Variants in CCR3 observed in about 807,000 individuals in gnomAD.
CCR3 encodes C-C chemokine receptor type 3.
For missense variants in CCR3, 419 were observed against 437.5 expected (o/e 0.96, Z 0.38); for synonymous variants, 203 against 179.2 (o/e 1.13, Z -1.06).
chr3:46,246,905 C>T (rs1040285977), intron 1 of CCR3, among the ~76,000 whole-genome samples: 9 of 151,458 alleles, frequency 5.9e-5, no homozygotes, highest in African/African-American at 2.2e-4. Context: ...GAAGGGAGGT[C>T]TTGTGGTAAG....
At chr3:46,222,406 C>G (rs544581920) in intron 2 of CCR3, among the ~76,000 whole-genome samples, 1 of 152,254 alleles carries the variant, frequency 6.6e-6, no homozygotes, top group East Asian at 1.9e-4. Flanking sequence ...AATTTGTCGC[C>G]CTCTTGCTGC....
chr3:46,265,227 C>T lies in CCR3; in HGVS notation c.69C>T (p.Leu23=), dbSNP rs755271586. 2.5e-6 allele frequency: 4 copies of T among 1,614,064 alleles called. No individual in the cohort carries two copies. Among genetic ancestry groups the T allele is most frequent in the Non-Finnish European group, 3.4e-6 (4 of 1,179,978 alleles). The change falls in exon 2 of 2, where the codon CTC becomes CTT. Residue 23 remains leucine (L), a synonymous_variant. Coordinates refer to ENST00000395940, the MANE Select transcript of CCR3 (RefSeq NM_178329.3). ...CCTACTATGATGACGTGGGCCTGCT[C>T]TGTGAAAAAGCTGATACCAGAGCAC... is the stretch of plus-strand genomic sequence containing the variant. ...TTSYYDDVGL[L]CEKADTRALM... is the part of the protein sequence containing the mutation.
At chr3:46,245,137 T>C (rs896230452) in intron 1 of CCR3, among the ~76,000 whole-genome samples, 4 of 152,080 alleles carry the variant, frequency 2.6e-5, no homozygotes, top group Admixed American at 2.6e-4. Flanking sequence ...TTATTAATGA[T>C]TGGAAGCTCT....
At chr3:46,257,986 C>G (rs1348694494) in intron 1 of CCR3, among the ~76,000 whole-genome samples, 1 of 152,190 alleles carries the variant, frequency 6.6e-6, no homozygotes, top group Non-Finnish European at 1.5e-5. Flanking sequence ...AAAGTCTGTT[C>G]CAGCTCTCAA....
upstream of CCR3, among the ~76,000 whole-genome samples, chr3:46,238,210 G>A (rs1270974236): frequency 2.0e-5 from 3 of 151,756 alleles, no homozygotes; most frequent in Non-Finnish European, 4.4e-5. Context: ...CTGTATGAGA[G>A]TTTTAGTGTT....
At chr3:46,233,316 G>T (rs981300849) in intron 2 of CCR3, among the ~76,000 whole-genome samples, 1 of 152,168 alleles carries the variant, frequency 6.6e-6, no homozygotes, top group Admixed American at 6.5e-5. Context: ...TCTGGCCCTG[G>T]TGCCCGGGAA....
At chr3:46,264,315 T>C in intron 1 of CCR3, 1 of 918,440 alleles carries the variant, frequency 1.1e-6, no homozygotes, top group Non-Finnish European at 1.7e-6. Flanking sequence ...CTGCTTATAA[T>C]TGTAATTATT....
intron 1 of CCR3, among the ~76,000 whole-genome samples, chr3:46,249,222 TG>T (rs1372795572): frequency 6.6e-6 from 1 of 152,044 alleles, no homozygotes; most frequent in Non-Finnish European, 1.5e-5. Context: ...AGCAATGAGA[TG>T]CGGCTATAGT....
At chr3:46,243,288 G>A (rs1048914004) in intron 1 of CCR3, among the ~76,000 whole-genome samples, 1 of 152,060 alleles carries the variant, frequency 6.6e-6, no homozygotes, top group African/African-American at 2.4e-5. Flanking sequence ...TTGCAACTTT[G>A]TGGAGCTTTT....
At chr3:46,254,514 G>A (rs1056959971) in intron 1 of CCR3, among the ~76,000 whole-genome samples, 14 of 152,084 alleles carry the variant, frequency 9.2e-5, no homozygotes, top group Admixed American at 1.3e-4. Flanking sequence ...AGGTTTTAGG[G>A]GAACAGGTGG....
intron 2 of CCR3, among the ~76,000 whole-genome samples, chr3:46,225,972 G>C (rs569346654): frequency 6.6e-6 from 1 of 152,142 alleles, no homozygotes; most frequent in Non-Finnish European, 1.5e-5. Flanking sequence ...TTACACCTTT[G>C]TCAAAAAACA....
intron 2 of CCR3, among the ~76,000 whole-genome samples, chr3:46,229,963 G>A (rs71327044): frequency 1.4e-4 from 21 of 152,102 alleles, no homozygotes; most frequent in East Asian, 5.8e-4. Context: ...ATGAGTGGAC[G>A]CTGGACTCAG....
chr3:46,249,902 A>G (rs1391042675), intron 1 of CCR3, among the ~76,000 whole-genome samples: 1 of 151,990 alleles, frequency 6.6e-6, no homozygotes, highest in Non-Finnish European at 1.5e-5. Context: ...TACACCTTGA[A>G]GGTGAGGTTA....
chr3:46,257,476 C>T (rs1700451500), intron 1 of CCR3, among the ~76,000 whole-genome samples: 1 of 144,280 alleles, frequency 6.9e-6, no homozygotes, highest in Non-Finnish European at 1.5e-5. Flanking sequence ...CAGTCTCTTC[C>T]ATTGAGAGTA....
intron 1 of CCR3, among the ~76,000 whole-genome samples, chr3:46,243,014 C>G (rs1195326226): frequency 1.7e-5 from 1 of 59,734 alleles, no homozygotes; most frequent in Non-Finnish European, 2.9e-5. Context: ...CGCACACACA[C>G]ATACATTTTT....
intron 1 of CCR3, among the ~76,000 whole-genome samples, chr3:46,257,593 G>T (rs1358693677): frequency 6.6e-6 from 1 of 152,010 alleles, no homozygotes; most frequent in East Asian, 1.9e-4. Flanking sequence ...TCCTTAACAT[G>T]TATTAGTATT....
At chr3:46,238,156 C>T (rs1014494892), upstream of CCR3, among the ~76,000 whole-genome samples, 3 of 152,056 alleles carry the variant, frequency 2.0e-5, no homozygotes, top group Admixed American at 2.0e-4. Flanking sequence ...TAATAAACTG[C>T]CTTATTTTCA....
intron 1 of CCR3, among the ~76,000 whole-genome samples, chr3:46,247,844 T>C (rs573231123): frequency 3.0e-4 from 46 of 152,036 alleles, no homozygotes; most frequent in Non-Finnish European, 5.6e-4. Context: ...TCGAGCTTGA[T>C]GTGTAGGGAA....
chr3:46,252,343 AT>A (rs533486011), intron 1 of CCR3, among the ~76,000 whole-genome samples: 14,628 of 145,126 alleles, frequency 0.1, 944 homozygotes, highest in Non-Finnish European at 0.15. Flanking sequence ...TGCCCAGCTA[AT>A]TTTTTTTTTT....
Sources: gnomAD v4.1 joint callset for allele counts (sites outside exome capture counted in the v4.1 genomes callset) on GRCh38, gnomAD v4.1.1 for gene constraint, MANE v1.5 for transcripts, NCBI Gene and HGNC (gene_info 2026-07-23, HGNC 2026-07-21) for gene names.